Variants in STXBP2 observed in about 807,000 individuals in gnomAD.
STXBP2 encodes syntaxin-binding protein 2.
In STXBP2, 47 loss-of-function variants were observed where a neutral mutation model predicts 72.2. The observed-to-expected ratio is 0.65, with a 90% CI of 0.51 to 0.83. The LOEUF is 0.83. Ranked by LOEUF, STXBP2 falls within the 40% of genes least tolerant of loss-of-function variation. The probability of loss-of-function intolerance (pLI) is 0.00; values close to 1 mark genes in which losing one functional copy is unlikely to be tolerated. For synonymous variants in STXBP2, 367 were observed against 338.7 expected, an observed-to-expected ratio of 1.08 and a Z score of -0.92; for missense variants, 702 against 807.6, an observed-to-expected ratio of 0.87 and a Z score of 1.58.
At chr19:7,631,707 G>A in the STXBP2 span, 62 of 1,453,102 alleles carry the variant, frequency 4.3e-5, no homozygotes, top group East Asian at 1.1e-3. Context: ...CTTGTGTCGG[G>A]GGCTGGGGGC....
At position 7,639,639 on chromosome 19, in the gene STXBP2, C is replaced by T. The variant is rs1174612226; in HGVS notation, c.170-92C>T. On this transcript the variant is annotated intron_variant, in intron 3 of 18. Coordinates refer to ENST00000221283, the MANE Select transcript of STXBP2 (RefSeq NM_006949.4). ...AGTCCCTCCTAAGCATCCACCCCTC[C>T]TCCCCAAGCCTCCAACCCCCCACAC... 2.5e-6 allele frequency: 3 copies of T among 1,212,170 alleles called. No homozygotes were observed. In the Admixed American group the frequency reaches 5.9e-5, roughly 24 times the overall value. The allele number at this position is 1,212,170 out of a possible 1,614,324, so 75.1% of individuals were successfully genotyped here. A position where few individuals can be genotyped will look rare whatever the true frequency, so the allele number is the denominator to read the frequency against.
At chr19:7,636,981 G>C, upstream of STXBP2, 23 of 637,460 alleles carry the variant, frequency 3.6e-5, no homozygotes, top group East Asian at 1.6e-4. Flanking sequence ...CGTCCTCCCC[G>C]CCAGGGACTC....
At position 7,644,604 on chromosome 19, in the gene STXBP2, A is replaced by G. The variant is rs765625177; in HGVS notation, c.1108-10A>G. 45 of 1,611,352 alleles carry G rather than the reference A, an allele frequency of 2.8e-5. 1 individual carries two copies. In the Middle Eastern group the frequency reaches 1.6e-3, roughly 59 times the overall value. ...TAGCGGCCGGTGGACGGCTGACCCC[A>G]TGCCCGCAGGACCTGGCCATGGGCT... is the stretch of plus-strand genomic sequence containing the variant. On this transcript the variant is annotated splice_polypyrimidine_tract_variant and intron_variant, in intron 13 of 18. Coordinates refer to ENST00000221283, the MANE Select transcript of STXBP2 (RefSeq NM_006949.4).
intron 4 of STXBP2, 200 bp downstream of exon 4, chr19:7,640,007 T>A: frequency 1.5e-6 from 1 of 684,608 alleles, no homozygotes; most frequent in South Asian, 1.5e-5. Flanking sequence ...TGTCTATGTA[T>A]GTGTCTGTGT....
the STXBP2 span, chr19:7,630,950 T>A: frequency 2.6e-5 from 37 of 1,407,174 alleles, no homozygotes; most frequent in African/African-American, 4.3e-5. Flanking sequence ...TGGCTCATGC[T>A]TGTAATCCCA....
chr19:7,642,192 C>A lies in STXBP2; in HGVS notation c.664-11C>A. The stretch of plus-strand genomic sequence containing the variant: ...GTCAGTGCCTCATTCCTGCCCTAAA[C>A]CCCACCCCAGGGCCCAGAGAAAACC... On this transcript the variant is annotated splice_polypyrimidine_tract_variant and intron_variant, in intron 8 of 18. Coordinates refer to ENST00000221283, the MANE Select transcript of STXBP2 (RefSeq NM_006949.4). This position sits in a 1 kb window ranked among gnomAD's most constrained non-coding sequence, Gnocchi z 6.0. 1 of 1,614,106 alleles carries A rather than the reference C, an allele frequency of 6.2e-7. No homozygotes were observed. The highest frequency in any genetic ancestry group is 8.5e-7 in the Non-Finnish European group (1 of 1,179,990).
chr19:7,639,611 T>G (rs2031704829), intron 3 of STXBP2, 120 bp from the exon 4 acceptor site: 1 of 913,108 alleles, frequency 1.1e-6, no homozygotes, highest in Non-Finnish European at 1.7e-6. Context: ...GGGTTTCTCC[T>G]GCAGTCCCTC....
At chr19:7,631,170 C>G in the STXBP2 span, 5 of 1,181,492 alleles carry the variant, frequency 4.2e-6, no homozygotes, top group Non-Finnish European at 4.5e-6. Context: ...GATCACGCCA[C>G]TGCACTCCAG....
At chr19:7,638,433 C>T (rs2031651848) in intron 1 of STXBP2, among the ~76,000 whole-genome samples, 1 of 152,090 alleles carries the variant, frequency 6.6e-6, no homozygotes. Context: ...GAGACCCCAT[C>T]TATACAGAAA....
In STXBP2 at chr19:7,642,297, C is replaced by T. The variant is rs140252723; in HGVS notation, c.758C>T (p.Ala253Val). ...CATGAGCTCACGTTCCAGGCCATGG[C>T]GTATGATCTGCTGGACATAGAGCAG... ...LLHELTFQAM[A>V]YDLLDIEQDT... The change falls in exon 9 of 19, where the codon GCG becomes GTG. Residue 253 changes from alanine to valine, a missense_variant. Ala to Val is a moderately conservative substitution (Grantham distance 64). Transcript: ENST00000221283. This position sits in a 1 kb window ranked among gnomAD's most constrained non-coding sequence, Gnocchi z 6.0. 4.3e-6 allele frequency: 7 copies of T among 1,614,032 alleles called. No homozygotes were observed. Among genetic ancestry groups the T allele is most frequent in the East Asian group, 4.5e-5 (2 of 44,896 alleles).
chr19:7,640,200 G>T (rs1347944216), intron 4 of STXBP2: 1 of 549,920 alleles, frequency 1.8e-6, no homozygotes. Flanking sequence ...GTGTGTATGC[G>T]TGTGTATGTA....
upstream of STXBP2, chr19:7,632,683 C>A: frequency 1.3e-6 from 2 of 1,549,120 alleles, no homozygotes; most frequent in East Asian, 2.4e-5. This position sits in a 1 kb window ranked among gnomAD's most constrained non-coding sequence, Gnocchi z 5.2. Context: ...CCCGTTCACG[C>A]CCCATGGACA....
intron 3 of STXBP2, chr19:7,639,346 T>A: frequency 1.6e-6 from 1 of 620,154 alleles, no homozygotes; most frequent in Non-Finnish European, 2.9e-6. Flanking sequence ...AGCCCCTTCC[T>A]GACCGTGCAG....
chr19:7,634,536 G>A (rs4804218), upstream of STXBP2, among the ~76,000 whole-genome samples: 44,353 of 152,102 alleles, frequency 0.29, 7,151 homozygotes, highest in Non-Finnish European at 0.37. Context: ...GTTGACTTTT[G>A]TTATATATTT....
At chr19:7,646,977 T>C (rs1568471580) in intron 16 of STXBP2, 185 bp from the exon 17 acceptor site, 3 of 619,928 alleles carry the variant, frequency 4.8e-6, no homozygotes, top group Non-Finnish European at 8.5e-6. Context: ...CAGTGAGTTA[T>C]GGATCTAGAT....
At chr19:7,645,337 G>C (rs1204565775) in intron 15 of STXBP2, 31 bp downstream of exon 15, 1 of 1,549,722 alleles carries the variant, frequency 6.5e-7, no homozygotes, top group Non-Finnish European at 8.7e-7. Context: ...GGGGGACCCT[G>C]GGAGAGGGTG....
chr19:7,637,009 C>T, upstream of STXBP2: 3 of 965,910 alleles, frequency 3.1e-6, no homozygotes, highest in Non-Finnish European at 4.0e-6. Flanking sequence ...TGGGCCTGGG[C>T]GAGAACCGAC....
At chr19:7,637,446 G>T (rs189616148) in intron 1 of STXBP2, among the ~76,000 whole-genome samples, 326 of 152,256 alleles carry the variant, frequency 2.1e-3, no homozygotes, top group African/African-American at 7.6e-3. Context: ...GGAGGCTGGG[G>T]CCCGGACTCC....
chr19:7,639,838 G>A (rs369364806), intron 4 of STXBP2, 31 bp downstream of exon 4: 100 of 1,601,404 alleles, frequency 6.2e-5, no homozygotes, highest in African/African-American at 1.9e-4. Context: ...GTGTGTATGC[G>A]CGTGCATGCG....
Sources: gnomAD v4.1 joint callset for allele counts (sites outside exome capture counted in the v4.1 genomes callset) on GRCh38, gnomAD v4.1.1 for gene constraint, Gnocchi (gnomAD v3.1) non-coding constraint, MANE v1.5 for transcripts, NCBI Gene and HGNC (gene_info 2026-07-23, HGNC 2026-07-21) for gene names.